Variants in NPAS3 observed in about 807,000 individuals in gnomAD.
NPAS3 encodes the protein neuronal PAS domain-containing protein 3.
Under a neutral mutation model 73.1 loss-of-function variants are expected in NPAS3, and 14 were observed. The observed-to-expected ratio is 0.19, with a 90% CI of 0.13 to 0.30. NPAS3 has a LOEUF of 0.30. Ranked by LOEUF, NPAS3 falls within the 10% of genes least tolerant of loss-of-function variation. The pLI is 1.00. For missense variants in NPAS3, 1,096 were observed against 1,250.0 expected (o/e 0.88, Z 1.86); for synonymous variants, 620 against 541.5 (o/e 1.14, Z -2.01).
intron 2 of NPAS3, among the ~76,000 whole-genome samples, chr14:33,112,259 T>G (rs1318735563): frequency 6.6e-6 from 1 of 152,236 alleles, no homozygotes; most frequent in Non-Finnish European, 1.5e-5. Context: ...ACTTCCACAA[T>G]GGTTGAACTA....
intron 3 of NPAS3, among the ~76,000 whole-genome samples, chr14:33,217,254 C>T (rs1366143744): frequency 6.6e-6 from 1 of 152,070 alleles, no homozygotes; most frequent in Admixed American, 6.6e-5. Flanking sequence ...TTTCCTGACA[C>T]GTGGGATTAT....
chr14:33,451,675 A>C (rs2049797603), intron 4 of NPAS3, among the ~76,000 whole-genome samples: 2 of 152,134 alleles, frequency 1.3e-5, no homozygotes, highest in African/African-American at 4.8e-5. Context: ...TTTCACTTTC[A>C]TGGATTTACA....
chr14:33,601,917 ATAT>A (rs2057410705), intron 5 of NPAS3, among the ~76,000 whole-genome samples: 6 of 152,276 alleles, frequency 3.9e-5, no homozygotes, highest in Middle Eastern at 3.4e-3. Flanking sequence ...GAGACAGAAG[ATAT>A]TATTTAAAAA....
intron 1 of NPAS3, among the ~76,000 whole-genome samples, chr14:33,016,384 A>G (rs1428800978): frequency 1.4e-5 from 2 of 146,152 alleles, no homozygotes; most frequent in African/African-American, 2.5e-5. Flanking sequence ...CGTGGTATTT[A>G]GTGGACATAG....
chr14:32,982,834 T>C (rs941009317), intron 1 of NPAS3, among the ~76,000 whole-genome samples: 4 of 152,148 alleles, frequency 2.6e-5, no homozygotes, highest in African/African-American at 9.7e-5. Context: ...ACTCAGATGG[T>C]GGAGGCGGAG....
intron 4 of NPAS3, among the ~76,000 whole-genome samples, chr14:33,391,854 A>G (rs988145981): frequency 6.6e-6 from 1 of 152,210 alleles, no homozygotes; most frequent in Non-Finnish European, 1.5e-5. Context: ...TCTTAGATCA[A>G]ACTCCCAGAT....
chr14:33,541,147 G>C (rs570144477), intron 4 of NPAS3, among the ~76,000 whole-genome samples: 1 of 149,396 alleles, frequency 6.7e-6, no homozygotes, highest in Non-Finnish European at 1.5e-5. Flanking sequence ...ACACACATTA[G>C]TAATAGGAAC....
intron 2 of NPAS3, among the ~76,000 whole-genome samples, chr14:33,136,058 CTTTT>C (rs34308954): frequency 2.6e-5 from 3 of 115,440 alleles, no homozygotes; most frequent in African/African-American, 3.3e-5. Flanking sequence ...TACCTTTTTT[CTTTT>C]TTTTTTTTTT....
chr14:33,202,936 GAA>G (rs2046676242), intron 2 of NPAS3, among the ~76,000 whole-genome samples: 1 of 152,124 alleles, frequency 6.6e-6, no homozygotes. Context: ...AATATCGTAA[GAA>G]AAGTCTTTTT....
At position 33,544,788 on chromosome 14, in the gene NPAS3, TTATATA is replaced by T. The variant is rs71406561; in HGVS notation, c.469-15315_469-15310del. Among the ~76,000 whole-genome samples the T allele has an allele frequency of 9.8e-4, 62 of 63,262 alleles. 2 individuals carry two copies. The South Asian group carries it at 0.025, about 26-fold the overall frequency. 41.5% of individuals were successfully genotyped at this position (63,262 alleles called of 152,430 possible). ...GCATGTATGTGTTTATGTGTGTGTA[TTATATA>T]TATATATATATATATATGTATATAT... On this transcript the variant is annotated intron_variant, in intron 4 of 11. Coordinates refer to ENST00000356141, the Ensembl canonical transcript of NPAS3.
At chr14:33,371,332 G>T (rs1203180815) in intron 4 of NPAS3, among the ~76,000 whole-genome samples, 1 of 152,098 alleles carries the variant, frequency 6.6e-6, no homozygotes, top group African/African-American at 2.4e-5. Flanking sequence ...GAATCTGAGT[G>T]TTCATGGTAA....
At chr14:33,796,899 G>A (rs1031938133) in intron 10 of NPAS3, among the ~76,000 whole-genome samples, 1 of 152,220 alleles carries the variant, frequency 6.6e-6, no homozygotes, top group African/African-American at 2.4e-5. Context: ...AAATGTGATT[G>A]TAATGGGTGT....
At chr14:33,054,636 G>A (rs545170960) in intron 1 of NPAS3, among the ~76,000 whole-genome samples, 31 of 146,224 alleles carry the variant, frequency 2.1e-4, no homozygotes, top group Non-Finnish European at 4.2e-4. Flanking sequence ...TTTTTGAGAC[G>A]GTGTCTTGCT....
At chr14:33,398,557 A>G (rs1417623261) in intron 4 of NPAS3, among the ~76,000 whole-genome samples, 1 of 152,098 alleles carries the variant, frequency 6.6e-6, no homozygotes, top group Non-Finnish European at 1.5e-5. Context: ...TGATGGATAG[A>G]TAACAAGGAT....
At chr14:33,577,521 T>G (rs1786705954) in intron 5 of NPAS3, among the ~76,000 whole-genome samples, 1 of 152,100 alleles carries the variant, frequency 6.6e-6, no homozygotes, top group South Asian at 2.1e-4. Context: ...TATGAAAATT[T>G]TATGCCCATT....
intron 2 of NPAS3, among the ~76,000 whole-genome samples, chr14:33,098,393 GACA>G (rs1239765535): frequency 1.3e-5 from 2 of 151,858 alleles, no homozygotes; most frequent in African/African-American, 2.4e-5. Flanking sequence ...AGATGATGAT[GACA>G]ACAATGATGA....
chr14:33,289,582 A>T (rs2042013750), intron 3 of NPAS3, among the ~76,000 whole-genome samples: 1 of 152,060 alleles, frequency 6.6e-6, no homozygotes. Context: ...GTACTTTGGG[A>T]GGCTGAGGTG....
chr14:33,053,049 C>A (rs1438133341), intron 1 of NPAS3, among the ~76,000 whole-genome samples: 1 of 152,148 alleles, frequency 6.6e-6, no homozygotes, highest in Non-Finnish European at 1.5e-5. Flanking sequence ...GGATTGCTTT[C>A]TGGAGTTTTT....
chr14:33,536,263 A>G (rs1013462), intron 4 of NPAS3, among the ~76,000 whole-genome samples: 27,315 of 152,204 alleles, frequency 0.18, 3,266 homozygotes, highest in African/African-American at 0.34. Context: ...TCTTATTTGT[A>G]ATTTTTTAAA....
Sources: allele counts gnomAD v4.1 joint callset (sites outside exome capture counted in the v4.1 genomes callset), GRCh38; gene constraint gnomAD v4.1.1; transcripts MANE v1.5; gene names NCBI Gene and HGNC (gene_info 2026-07-23, HGNC 2026-07-21).